The following PTCD2 variants were observed in gnomAD, a reference collection of about 807,000 sequenced individuals.
PTCD2 encodes the protein pentatricopeptide repeat-containing protein 2, mitochondrial.
Under a neutral mutation model 42.6 loss-of-function variants are expected in PTCD2, and 31 were observed. The ratio of observed to expected loss-of-function variants is 0.73; its 90% CI spans 0.55 to 0.98. PTCD2 has a LOEUF of 0.98. PTCD2 is among the 50% of genes least tolerant of loss of function. The pLI, the probability that PTCD2 is intolerant of heterozygous loss-of-function variation, is 0.00. For synonymous variants in PTCD2, 183 were observed against 170.9 expected, an observed-to-expected ratio of 1.07 and a Z score of -0.55; for missense variants, 476 against 454.8, an observed-to-expected ratio of 1.05 and a Z score of -0.42.
Position 72,338,659 on chromosome 5 carries a change from G to C in PTCD2, c.677G>C (p.Arg226Thr). The C allele has an allele frequency of 6.2e-7, 1 of 1,612,206 alleles. No homozygotes were observed. The highest frequency in any genetic ancestry group is 1.1e-5 in the South Asian group (1 of 90,966). Residue 226 changes from arginine to threonine, a missense_variant, in exon 7 of 10, where the codon AGA becomes ACA. By Grantham distance (71) the Arg-to-Thr change is moderately conservative. Transcript: ENST00000380639. ...PESFKICTTL[R>T]EEALLKGEIL... Reference sequence around the variant, plus strand: ...TCTTTCAAAATCTGTACTACATTAAGAGAAGAAGCTCTACTCAAAGGAGAA... The same window carrying C: ...TCTTTCAAAATCTGTACTACATTAACAGAAGAAGCTCTACTCAAAGGAGAA...
Position 72,352,696 on chromosome 5 carries a change from A to G in PTCD2, c.884A>G (p.Asn295Ser). ...GAAAACCTGATAAAGACTCTAAAAA[A>G]TGCTGCAGAAGGAAATTTATCAAAA... is the stretch of plus-strand genomic sequence containing the variant. The part of the protein sequence containing the change: ...MLENLIKTLK[N>S]AAEGNLSKFV... The change falls in exon 9 of 10, where the codon AAT (asparagine) becomes AGT (serine). Residue 295 changes from asparagine to serine, a missense_variant. By Grantham distance (46) the Asn-to-Ser change is conservative. Coordinates refer to ENST00000380639, the MANE Select transcript of PTCD2 (RefSeq NM_024754.5). 1.2e-6 allele frequency: 2 copies of G among 1,606,190 alleles called. No individual in the cohort carries two copies. Among genetic ancestry groups the G allele is most frequent in the Non-Finnish European group, 1.7e-6 (2 of 1,173,010 alleles).
intron 8 of PTCD2, among the ~76,000 whole-genome samples, chr5:72,351,065 A>G (rs1459898242): frequency 6.6e-6 from 1 of 152,252 alleles, no homozygotes; most frequent in African/African-American, 2.4e-5. Context: ...TTGTGTAGTA[A>G]TTGACCAAAA....
intron 8 of PTCD2, among the ~76,000 whole-genome samples, chr5:72,352,414 G>A (rs1286859296): frequency 6.6e-6 from 1 of 152,150 alleles, no homozygotes; most frequent in Non-Finnish European, 1.5e-5. Context: ...CCAAAGTGCT[G>A]GGATTACAGG....
chr5:72,326,942 T>C (rs1375293715), intron 3 of PTCD2, among the ~76,000 whole-genome samples: 1 of 152,048 alleles, frequency 6.6e-6, no homozygotes. Flanking sequence ...TACTATATGC[T>C]GGGTGCTAAG....
rs79169398 is a variant in PTCD2 at position 72,323,849 on chromosome 5, G to C, written c.220+1585G>C. 3.7e-3 allele frequency among the ~76,000 whole-genome samples: 565 copies of C among 152,020 alleles called. 1 individual carries two copies. Among genetic ancestry groups the C allele is most frequent in the African/African-American group, 0.013 (549 of 41,452 alleles). Reference sequence around the variant, plus strand: ...TTTTTTTTGTAGAGATGGTCTCACTGTGTTGAGGCTGGTCTCGAACTCCCA... The same window carrying C: ...TTTTTTTTGTAGAGATGGTCTCACTCTGTTGAGGCTGGTCTCGAACTCCCA... On this transcript the variant is annotated intron_variant, in intron 2 of 9. Transcript: ENST00000380639.
At chr5:72,354,409 G>A (rs867628929) in intron 9 of PTCD2, among the ~76,000 whole-genome samples, 469 of 41,002 alleles carry the variant, frequency 0.011, 2 homozygotes, top group African/African-American at 0.036. Context: ...AAAAAAAAAA[G>A]CTCTTTTTGA....
chr5:72,348,519 C>T (rs770149310), intron 8 of PTCD2, among the ~76,000 whole-genome samples: 20 of 152,298 alleles, frequency 1.3e-4, no homozygotes, highest in Admixed American at 9.8e-4. Context: ...CCAGCTAATA[C>T]GTGATACATA....
chr5:72,337,221 A>G (rs1284421569), intron 6 of PTCD2, among the ~76,000 whole-genome samples: 2 of 152,100 alleles, frequency 1.3e-5, no homozygotes, highest in Admixed American at 6.5e-5. Flanking sequence ...TCTCTGCCTC[A>G]TGTGATCTCT....
intron 2 of PTCD2, 101 bp from the exon 3 acceptor site, chr5:72,326,511 C>G: frequency 7.8e-7 from 1 of 1,280,202 alleles, no homozygotes; most frequent in Non-Finnish European, 1.1e-6. Flanking sequence ...CAGTGCCCCT[C>G]TGCAGTGAGC....
At chr5:72,323,339 AC>A (rs1750962093) in intron 2 of PTCD2, among the ~76,000 whole-genome samples, 1 of 152,152 alleles carries the variant, frequency 6.6e-6, no homozygotes, top group African/African-American at 2.4e-5. Context: ...ATAAAAAGCT[AC>A]AAACAAGAAC....
At chr5:72,349,848 A>G (rs1457356406) in intron 8 of PTCD2, among the ~76,000 whole-genome samples, 1 of 152,146 alleles carries the variant, frequency 6.6e-6, no homozygotes, top group Admixed American at 6.5e-5. Context: ...CCTTATGTGC[A>G]TTGCCCTTCA....
chr5:72,329,643 T>A (rs1281700987), intron 3 of PTCD2, among the ~76,000 whole-genome samples: 1 of 151,992 alleles, frequency 6.6e-6, no homozygotes, highest in Non-Finnish European at 1.5e-5. Context: ...TTAGCATGCC[T>A]TACGTTTTAT....
chr5:72,333,700 A>G (rs528837085), intron 4 of PTCD2, among the ~76,000 whole-genome samples: 2 of 152,376 alleles, frequency 1.3e-5, no homozygotes, highest in East Asian at 3.9e-4. Context: ...TAGTGACTAT[A>G]GTTAATGACA....
Position 72,365,549 on chromosome 5 carries a change from T to C in PTCD2, c.*7122T>C, listed in dbSNP as rs886674367. On this transcript the variant is annotated 3_prime_UTR_variant, in exon 10 of 10. Transcript: ENST00000380639. ...AAGTCTCATTCCTGGTAACTAATAGTAACAGAATCTGCTGATGTATTCTAC... is the reference window on the plus strand; with the variant it reads ...AAGTCTCATTCCTGGTAACTAATAGCAACAGAATCTGCTGATGTATTCTAC... 3.9e-5 allele frequency: 6 copies of C among 152,222 alleles called. No homozygotes were observed. The highest frequency in any genetic ancestry group is 1.4e-4 in the African/African-American group (6 of 41,448). 9.4% of individuals were successfully genotyped at this position (152,222 alleles called of 1,614,324 possible).
Position 72,359,064 on chromosome 5 carries a change from G to T in PTCD2, c.*637G>T, listed in dbSNP as rs2112245543. ...GGATTGTGGTTGTTTTGTTTTCTCA[G>T]CAGCACAAACAAAACCAGAATTTAG... On this transcript the variant is annotated 3_prime_UTR_variant, in exon 10 of 10. Transcript: ENST00000380639. 6.5e-6 allele frequency: 1 copy of T among 152,740 alleles called. No homozygotes were observed. The highest frequency in any genetic ancestry group is 2.4e-5 in the African/African-American group (1 of 41,552). 9.5% of individuals were successfully genotyped at this position (152,740 alleles called of 1,614,324 possible).
intron 8 of PTCD2, among the ~76,000 whole-genome samples, chr5:72,343,763 G>A (rs1752202026): frequency 6.6e-6 from 1 of 152,166 alleles, no homozygotes; most frequent in South Asian, 2.1e-4. Context: ...TACTCCCAGA[G>A]TTTGAGCAGT....
At chr5:72,324,661 AACAGG>A (rs1262943647) in intron 2 of PTCD2, among the ~76,000 whole-genome samples, 1 of 152,212 alleles carries the variant, frequency 6.6e-6, no homozygotes, top group African/African-American at 2.4e-5. Context: ...TAGGTGTCGT[AACAGG>A]ACAGAAGAGT....
At position 72,365,756 on chromosome 5, in the gene PTCD2, A is replaced by G. The variant is rs1046104483; in HGVS notation, c.*7329A>G. 4.6e-5 allele frequency: 7 copies of G among 152,226 alleles called. No homozygotes were observed. The highest frequency in any genetic ancestry group is 1.4e-4 in the African/African-American group (6 of 41,448). 9.4% of individuals were successfully genotyped at this position (152,226 alleles called of 1,614,324 possible). A position where few individuals can be genotyped will look rare whatever the true frequency, so the allele number is the denominator to read the frequency against. ...TGGCCTAAAAAGCTTGTCATTATAT[A>G]AAAAAGCTATAGAGAGCAGAGAAAA... On this transcript the variant is annotated 3_prime_UTR_variant, in exon 10 of 10. Coordinates refer to ENST00000380639, the MANE Select transcript of PTCD2 (RefSeq NM_024754.5).
intron 1 of PTCD2, chr5:72,320,715 T>A (rs1218862157): frequency 3.1e-6 from 2 of 640,220 alleles, no homozygotes; most frequent in Non-Finnish European, 5.4e-6. Context: ...GAAGGACTGC[T>A]GGGGTATTGA....
Sources: allele counts gnomAD v4.1 joint callset (sites outside exome capture counted in the v4.1 genomes callset), GRCh38; gene constraint gnomAD v4.1.1; transcripts MANE v1.5; gene names NCBI Gene and HGNC (gene_info 2026-07-23, HGNC 2026-07-21).